The following ATP2B1 variants were observed in gnomAD, a reference collection of about 807,000 sequenced individuals.
The protein encoded by ATP2B1 is ATPase plasma membrane Ca2+ transporting 1.
Under a neutral mutation model 124.2 loss-of-function variants are expected in ATP2B1, and 14 were observed. The observed-to-expected ratio is 0.11, with a 90% CI of 0.07 to 0.18. ATP2B1 has a LOEUF of 0.18. Ranked by LOEUF, ATP2B1 falls within the 10% of genes least tolerant of loss-of-function variation. The pLI is 1.00. For synonymous variants in ATP2B1, 449 were observed against 492.4 expected (o/e 0.91, Z 1.17); for missense variants, 763 against 1,466.1 (o/e 0.52, Z 7.83).
chr12:89,706,231 T>C (rs1009336270), intron 1 of ATP2B1, among the ~76,000 whole-genome samples: 20 of 152,208 alleles, frequency 1.3e-4, no homozygotes, highest in Non-Finnish European at 2.4e-4. Flanking sequence ...TAAGTACACC[T>C]GCTCGAAGTG....
At position 89,642,166 on chromosome 12, in the gene ATP2B1, T is replaced by A; in HGVS notation, c.398A>T (p.Asp133Val). ...GLSFYQPPEG[D>V]NALCGEVSVG... ...TCCCCCCATTTACTTACGTGCATTATCCCCTTCTGGAGGCTGATAAAAAGA... is the reference window on the plus strand; with the variant it reads ...TCCCCCCATTTACTTACGTGCATTAACCCCTTCTGGAGGCTGATAAAAAGA... The change falls in exon 3 of 21, where the codon GAT (aspartate) becomes GTT (valine). Residue 133 changes from aspartate to valine, a missense_variant. By Grantham distance (152) the Asp-to-Val change is radical (BLOSUM62 -3). Around this residue, in one of 7 missense-constraint regions of ATP2B1, gnomAD observed 392 missense variants for 776.6 expected, o/e 0.50. Transcript: ENST00000428670. 6.2e-7 allele frequency: 1 copy of A among 1,612,048 alleles called. No individual in the cohort carries two copies. Among genetic ancestry groups the A allele is most frequent in the Non-Finnish European group, 8.5e-7 (1 of 1,178,706 alleles).
At chr12:89,630,711 A>C (rs1384899226) in intron 5 of ATP2B1, 66 bp from the exon 6 acceptor site, 2 of 1,205,026 alleles carry the variant, frequency 1.7e-6, no homozygotes, top group Non-Finnish European at 2.2e-6. Context: ...ACCAAATTTC[A>C]AACTTCAGTA....
Position 89,698,690 on chromosome 12 carries a change from G to A in ATP2B1, c.-222+9906C>T, listed in dbSNP as rs576969056. ...AAAAAAGGACACAAACTAAATAGAA[G>A]TTCTGGATTCAATATGGGTTTCACA... On this transcript the variant is annotated intron_variant, in intron 1 of 20. Coordinates refer to ENST00000428670, the MANE Select transcript of ATP2B1 (RefSeq NM_001366521.1). 2.0e-5 allele frequency among the ~76,000 whole-genome samples: 3 copies of A among 152,248 alleles called. No individual in the cohort carries two copies. The East Asian group carries it at 5.8e-4, about 29-fold the overall frequency.
chr12:89,672,531 T>C (rs1169981962), intron 1 of ATP2B1, among the ~76,000 whole-genome samples: 1 of 152,182 alleles, frequency 6.6e-6, no homozygotes, highest in Non-Finnish European at 1.5e-5. Flanking sequence ...TCTATTCCTT[T>C]CTTATCTAGC....
chr12:89,620,698 T>G (rs1879816661), intron 10 of ATP2B1, among the ~76,000 whole-genome samples: 1 of 152,208 alleles, frequency 6.6e-6, no homozygotes, highest in African/African-American at 2.4e-5. Context: ...ACTGTTCTCT[T>G]AAATGCAGTG....
chr12:89,651,203 T>C (rs556986037), intron 2 of ATP2B1, among the ~76,000 whole-genome samples: 1 of 152,384 alleles, frequency 6.6e-6, no homozygotes, highest in South Asian at 2.1e-4. Context: ...CTTCAAAACA[T>C]ATTGTTAGAA....
chr12:89,683,751 T>C (rs1889638776), intron 1 of ATP2B1, among the ~76,000 whole-genome samples: 2 of 152,212 alleles, frequency 1.3e-5, no homozygotes. Context: ...TGGGGTGGTC[T>C]GTTATGCAGT....
In ATP2B1 at chr12:89,603,207, C is replaced by A. The variant is rs750364043; in HGVS notation, c.2896G>T (p.Ala966Ser). The A allele has an allele frequency of 1.2e-6, 2 of 1,611,908 alleles. No individual in the cohort carries two copies. Among genetic ancestry groups the A allele is most frequent in the Non-Finnish European group, 1.7e-6 (2 of 1,178,948 alleles). The change falls in exon 18 of 21, where the codon GCT (alanine) becomes TCT (serine). Residue 966 changes from alanine (A) to serine (S), a missense_variant. Physicochemically the swap from Ala to Ser is moderately conservative, Grantham distance 99. Transcript: ENST00000428670. The surrounding 1 kb of genome is among the most constrained non-coding windows in gnomAD (Gnocchi z 4.3). Reference protein sequence around the residue: ...IDSGRNAPLHAPPSEHYTIVF... With the variant: ...IDSGRNAPLHSPPSEHYTIVF... ...ATAGTATAATGTTCTGAAGGAGGAG[C>A]ATGCAAAGGAGCATTTCTTCCACTA...
At chr12:89,634,573 T>C (rs1334621452) in intron 5 of ATP2B1, among the ~76,000 whole-genome samples, 1 of 152,188 alleles carries the variant, frequency 6.6e-6, no homozygotes, top group Non-Finnish European at 1.5e-5. Context: ...TGGTCCCTCA[T>C]TTGTAAAATA....
At chr12:89,672,441 G>A (rs1565898399) in intron 1 of ATP2B1, among the ~76,000 whole-genome samples, 1 of 152,100 alleles carries the variant, frequency 6.6e-6, no homozygotes, top group East Asian at 1.9e-4. Context: ...GTGACAGAAC[G>A]AGACTCCCTC....
At chr12:89,638,975 G>C (rs1225798939) in intron 3 of ATP2B1, among the ~76,000 whole-genome samples, 2 of 152,068 alleles carry the variant, frequency 1.3e-5, no homozygotes, top group East Asian at 3.9e-4. Flanking sequence ...AAGAGGTCTC[G>C]AGACCAAAAA....
chr12:89,592,672 G>A (rs142262006), intron 20 of ATP2B1, among the ~76,000 whole-genome samples: 20 of 152,110 alleles, frequency 1.3e-4, no homozygotes, highest in African/African-American at 4.6e-4. Context: ...GAGGAACCTC[G>A]GTCAAACAGG....
intron 14 of ATP2B1, 106 bp from the exon 15 acceptor site, chr12:89,610,149 T>A: frequency 9.7e-7 from 1 of 1,025,914 alleles, no homozygotes; most frequent in Non-Finnish European, 1.4e-6. Flanking sequence ...TAAAAATAAA[T>A]AAACAAATAT....
At chr12:89,626,165 C>A (rs1880842387) in intron 8 of ATP2B1, among the ~76,000 whole-genome samples, 1 of 152,134 alleles carries the variant, frequency 6.6e-6, no homozygotes, top group Admixed American at 6.5e-5. Flanking sequence ...TACTAAATAA[C>A]CTCACAGGTT....
chr12:89,591,975 A>C (rs1873656232), intron 20 of ATP2B1, among the ~76,000 whole-genome samples: 1 of 152,032 alleles, frequency 6.6e-6, no homozygotes, highest in African/African-American at 2.4e-5. Flanking sequence ...CAATTACTAC[A>C]GTTATCTGGA....
chr12:89,651,279 T>C (rs190632596), intron 2 of ATP2B1, among the ~76,000 whole-genome samples: 1 of 152,318 alleles, frequency 6.6e-6, no homozygotes, highest in African/African-American at 2.4e-5. Context: ...TAGGGCACTC[T>C]TTTTGTTCTT....
chr12:89,660,028 A>G (rs1012172850), intron 1 of ATP2B1, among the ~76,000 whole-genome samples: 2 of 152,132 alleles, frequency 1.3e-5, no homozygotes, highest in African/African-American at 4.8e-5. Flanking sequence ...TAGCAAAGTA[A>G]ATTAACAGGT....
At chr12:89,677,963 TATATATATACACACACACAC>T (rs1230972275) in intron 1 of ATP2B1, among the ~76,000 whole-genome samples, 6 of 100,864 alleles carry the variant, frequency 5.9e-5, no homozygotes, top group Admixed American at 2.0e-4. Flanking sequence ...ATTATATATA[TATATATATACACACACACAC>T]ACACACACAC....
chr12:89,622,494 T>C (rs1024849313), intron 9 of ATP2B1, among the ~76,000 whole-genome samples: 2 of 152,076 alleles, frequency 1.3e-5, no homozygotes, highest in Non-Finnish European at 2.9e-5. Context: ...TCACAGGGCA[T>C]TTAAGTTAAA....
Sources: gnomAD v4.1 joint callset for allele counts (sites outside exome capture counted in the v4.1 genomes callset) on GRCh38, gnomAD v4.1.1 for gene constraint, gnomAD v4.1.1 regional missense constraint, Gnocchi (gnomAD v3.1) non-coding constraint, MANE v1.5 for transcripts, NCBI Gene and HGNC (gene_info 2026-07-23, HGNC 2026-07-21) for gene names.